Variants in MYO3A observed in about 807,000 individuals in gnomAD.
MYO3A encodes myosin-IIIa.
MYO3A carries 180 observed loss-of-function variants against 192.7 expected under a neutral mutation model. The ratio of observed to expected loss-of-function variants is 0.93; its 90% CI spans 0.83 to 1.06. MYO3A has a LOEUF of 1.06. MYO3A is among the 50% of genes least tolerant of loss of function. The pLI is 0.00. For missense variants in MYO3A, 1,896 were observed against 1,905.0 expected (o/e 1.00, Z 0.09); for synonymous variants, 628 against 645.3 (o/e 0.97, Z 0.41).
chr10:26,083,818 C>T (rs1423659278), intron 14 of MYO3A, among the ~76,000 whole-genome samples: 3 of 152,150 alleles, frequency 2.0e-5, no homozygotes, highest in Non-Finnish European at 4.4e-5. Flanking sequence ...CTTATTACCA[C>T]TTTGCTTAAT....
At chr10:26,195,983 G>A (rs1843388501) in intron 32 of MYO3A, among the ~76,000 whole-genome samples, 2 of 152,080 alleles carry the variant, frequency 1.3e-5, no homozygotes, top group Non-Finnish European at 2.9e-5. Context: ...TGAAATAAAA[G>A]AATGAAAAAC....
chr10:26,075,735 GTC>G (rs1215047530), intron 14 of MYO3A, among the ~76,000 whole-genome samples: 26 of 136,644 alleles, frequency 1.9e-4, no homozygotes, highest in South Asian at 1.8e-3. Context: ...TGATATATAT[GTC>G]TCTCATATAT....
At chr10:25,956,170 C>G (rs1454698671) in intron 4 of MYO3A, among the ~76,000 whole-genome samples, 2 of 152,138 alleles carry the variant, frequency 1.3e-5, no homozygotes, top group Non-Finnish European at 2.9e-5. Context: ...GAGGAAGATG[C>G]CTTCATGGCC....
intron 10 of MYO3A, among the ~76,000 whole-genome samples, chr10:26,049,843 T>G (rs1843882905): frequency 1.3e-5 from 2 of 151,808 alleles, no homozygotes; most frequent in Non-Finnish European, 2.9e-5. Flanking sequence ...GCTCAGCTAA[T>G]TTTTATATTT....
intron 14 of MYO3A, among the ~76,000 whole-genome samples, chr10:26,072,399 G>A (rs1315032505): frequency 2.0e-5 from 3 of 152,160 alleles, no homozygotes; most frequent in Non-Finnish European, 4.4e-5. Context: ...TTAATCGGGT[G>A]CTGCACCCAG....
In MYO3A at chr10:26,212,301, G is replaced by T. The variant is rs553796344; in HGVS notation, c.*338G>T. The T allele has an allele frequency of 2.5e-4, 99 of 403,648 alleles. No individual in the cohort carries two copies. The highest frequency in any genetic ancestry group is 1.9e-3 in the African/African-American group (91 of 48,972). The allele number at this position is 403,648 out of a possible 1,614,324, so 25.0% of individuals were successfully genotyped here. On this transcript the variant is annotated 3_prime_UTR_variant, in exon 35 of 35. Transcript: ENST00000642920. ...TTGTGACTCCTGTGGACTCCACTGC[G>T]CCTGGGATCTCGCCAACCCCTCTCT...
chr10:26,073,645 A>ATAC (rs1347824395), intron 14 of MYO3A, among the ~76,000 whole-genome samples: 2 of 44,220 alleles, frequency 4.5e-5, no homozygotes, highest in Non-Finnish European at 1.5e-4. Flanking sequence ...AATAATAATA[A>ATAC]TAATGATAAT....
At chr10:26,206,006 TAA>T (rs911295571) in intron 34 of MYO3A, among the ~76,000 whole-genome samples, 4 of 152,114 alleles carry the variant, frequency 2.6e-5, no homozygotes, top group Admixed American at 6.5e-5. Context: ...GATGGACTCT[TAA>T]GTTGATTCCA....
intron 4 of MYO3A, among the ~76,000 whole-genome samples, chr10:25,993,707 GT>G (rs1840216429): frequency 6.6e-6 from 1 of 152,156 alleles, no homozygotes; most frequent in African/African-American, 2.4e-5. Flanking sequence ...ATTCTGGTAT[GT>G]TGTGTCTTCA....
Position 26,125,383 on chromosome 10 carries a change from CTGTT to C in MYO3A, c.1904-9_1904-6del. ...GCCATAATTTCTTCTAACAATGCATCTGTTTGTTTTTCAGGTGCTTCTTTGCTTT... is the reference window on the plus strand; with the variant it reads ...GCCATAATTTCTTCTAACAATGCATCTGTTTTTCAGGTGCTTCTTTGCTTT... On this transcript the variant is annotated splice_polypyrimidine_tract_variant and intron_variant, in intron 18 of 34. Transcript: ENST00000642920. 1.2e-6 allele frequency: 2 copies of C among 1,613,284 alleles called. No individual in the cohort carries two copies.
chr10:26,205,480 G>GGGC (rs1843876183), intron 34 of MYO3A, among the ~76,000 whole-genome samples: 1 of 100,512 alleles, frequency 9.9e-6, no homozygotes, highest in African/African-American at 4.5e-5. Flanking sequence ...TTTTTTTTTT[G>GGGC]GGGGGGGGCT....
chr10:26,073,444 C>T (rs1008276085), intron 14 of MYO3A, among the ~76,000 whole-genome samples: 5 of 151,910 alleles, frequency 3.3e-5, no homozygotes, highest in Non-Finnish European at 7.4e-5. Context: ...TGGCAGGCGC[C>T]TGTAGTCCCA....
intron 10 of MYO3A, among the ~76,000 whole-genome samples, chr10:26,065,605 A>AAAAAAAAAAAAAAACAT (rs1834784369): frequency 1.7e-5 from 2 of 118,726 alleles, no homozygotes; most frequent in Non-Finnish European, 3.6e-5. Context: ...AAAAAAAAAA[A>AAAAAAAAAAAAAAACAT]AAAAAAAAGT....
At chr10:26,004,245 GGT>G (rs1841036594) in intron 6 of MYO3A, among the ~76,000 whole-genome samples, 1 of 152,014 alleles carries the variant, frequency 6.6e-6, no homozygotes, top group Admixed American at 6.6e-5. Context: ...AGATGAGAAA[GGT>G]ATCTGCATAG....
chr10:26,098,889 A>T (rs1184397170), intron 17 of MYO3A, among the ~76,000 whole-genome samples: 1 of 152,162 alleles, frequency 6.6e-6, no homozygotes, highest in Non-Finnish European at 1.5e-5. Flanking sequence ...TGTCTTGGCA[A>T]TGTGGGCTCT....
At chr10:25,983,724 A>C (rs1040231723) in intron 4 of MYO3A, among the ~76,000 whole-genome samples, 2 of 152,214 alleles carry the variant, frequency 1.3e-5, no homozygotes, top group Non-Finnish European at 2.9e-5. Flanking sequence ...CTTGCTAGAG[A>C]TCTAGCAAAT....
At chr10:26,013,478 A>G (rs1841800332) in intron 6 of MYO3A, among the ~76,000 whole-genome samples, 1 of 151,350 alleles carries the variant, frequency 6.6e-6, no homozygotes, top group Admixed American at 6.6e-5. Context: ...ACATTTCTCA[A>G]AAGAAAATAT....
intron 7 of MYO3A, among the ~76,000 whole-genome samples, chr10:26,019,263 ATTTATTTT>A (rs1842162353): frequency 1.2e-5 from 1 of 80,306 alleles, no homozygotes; most frequent in African/African-American, 4.6e-5. Flanking sequence ...TTATTTATTT[ATTTATTTT>A]TTCCTGAGAC....
chr10:26,110,968 T>C (rs1400571113), intron 17 of MYO3A, among the ~76,000 whole-genome samples: 3 of 151,608 alleles, frequency 2.0e-5, no homozygotes, highest in African/African-American at 7.3e-5. Context: ...GAGCTCAATC[T>C]GTCCTCCCAC....
Sources: gnomAD v4.1 joint callset for allele counts (sites outside exome capture counted in the v4.1 genomes callset) on GRCh38, gnomAD v4.1.1 for gene constraint, MANE v1.5 for transcripts, NCBI Gene and HGNC (gene_info 2026-07-23, HGNC 2026-07-21) for gene names.